The following COL15A1 variants were observed in gnomAD, a reference collection of about 807,000 sequenced individuals.
COL15A1 encodes collagen type XV alpha 1 chain, also known as collagen alpha-1(XV) chain.
A neutral mutation model predicts 165.9 loss-of-function variants in COL15A1; 111 were observed. The ratio of observed to expected loss-of-function variants is 0.67; its 90% confidence interval spans 0.57 to 0.78. The LOEUF (loss-of-function observed/expected upper bound fraction) is 0.78, where lower values mean the gene tolerates loss of function less well. Ranked by LOEUF, COL15A1 falls within the 30% of genes least tolerant of loss-of-function variation. COL15A1 has a pLI of 0.00. For missense variants in COL15A1, 1,745 were observed against 1,789.7 expected, an observed-to-expected ratio of 0.98 and a Z score of 0.45; for synonymous variants, 659 against 674.8, an observed-to-expected ratio of 0.98 and a Z score of 0.36.
intron 9 of COL15A1, among the ~76,000 whole-genome samples, chr9:99,011,599 A>G (rs1401154236): frequency 2.0e-5 from 3 of 152,038 alleles, no homozygotes; most frequent in Non-Finnish European, 4.4e-5. Flanking sequence ...TAAGCTTTGA[A>G]TGAGACAAAA....
In COL15A1 at chr9:99,050,441, G is replaced by A. The variant is rs577915129; in HGVS notation, c.2904+546G>A. On this transcript the variant is annotated intron_variant, in intron 30 of 41. Transcript: ENST00000375001. ...TTGACTGAGCTGGGATCATAACTCA[G>A]GTCTCCTAACCACCAGGCAGCAGGT... 3.1e-3 allele frequency among the ~76,000 whole-genome samples: 474 copies of A among 152,308 alleles called. 1 individual carries two copies. The highest frequency in any genetic ancestry group is 5.8e-3 in the Non-Finnish European group (396 of 68,020).
intron 9 of COL15A1, 96 bp from the exon 10 acceptor site, chr9:99,015,321 T>C (rs1461376897): frequency 8.6e-5 from 68 of 786,358 alleles, no homozygotes; most frequent in Non-Finnish European, 2.4e-5. Context: ...CCTCCAGTTA[T>C]CTGAGGCTTT....
At chr9:99,040,692 T>A in intron 23 of COL15A1, 136 bp downstream of exon 23, 1 of 1,505,050 alleles carries the variant, frequency 6.6e-7, no homozygotes, top group Non-Finnish European at 9.1e-7. Context: ...TTTTTCTTGA[T>A]ATTTTTGATA....
chr9:99,038,112 A>G lies in COL15A1; in HGVS notation c.2410-556A>G, dbSNP rs573208484. On this transcript the variant is annotated intron_variant, in intron 21 of 41. Transcript: ENST00000375001. ...GAAAAAGGATGACTAAAGTTAGAAG[A>G]AAAAAAAAACACGATTTTTAAAAAT... Among the ~76,000 whole-genome samples, 11 of 148,472 alleles carry G rather than the reference A, an allele frequency of 7.4e-5. No individual in the cohort carries two copies. The East Asian group carries it at 2.2e-3, about 29-fold the overall frequency.
At position 99,034,548 on chromosome 9, in the gene COL15A1, G is replaced by T. The variant is rs763213057; in HGVS notation, c.2044-1G>T. 2.7e-6 allele frequency: 4 copies of T among 1,484,090 alleles called. No individual in the cohort carries two copies. In the African/African-American group the frequency reaches 4.6e-5, roughly 17 times the overall value. The allele number at this position is 1,484,090 out of a possible 1,614,324, so 91.9% of individuals were successfully genotyped here. ...CATGTTTTTGTTTTTGTTTTTTTCA[G>T]GGAGCAAGAGGGCCTAATGGCTCAG... On this transcript the variant is annotated splice_acceptor_variant, in intron 16 of 41. Transcript: ENST00000375001. LOFTEE classifies it high-confidence loss of function.
chr9:98,957,130 C>T (rs1185629358), intron 2 of COL15A1, among the ~76,000 whole-genome samples: 1 of 152,106 alleles, frequency 6.6e-6, no homozygotes, highest in African/African-American at 2.4e-5. Context: ...AGATTGTCTC[C>T]GATTATCTGG....
intron 6 of COL15A1, among the ~76,000 whole-genome samples, chr9:98,997,526 A>C (rs1467886818): frequency 6.6e-6 from 1 of 152,204 alleles, no homozygotes; most frequent in African/African-American, 2.4e-5. Flanking sequence ...AAAAACCAAC[A>C]CTTGGAAGAG....
chr9:98,976,542 G>A (rs951079724), intron 2 of COL15A1, among the ~76,000 whole-genome samples: 6 of 152,190 alleles, frequency 3.9e-5, no homozygotes, highest in Non-Finnish European at 8.8e-5. Flanking sequence ...GGGAGGGAAC[G>A]TGGACTTTCA....
At chr9:99,046,584 C>G (rs1434612303) in intron 26 of COL15A1, among the ~76,000 whole-genome samples, 1 of 152,202 alleles carries the variant, frequency 6.6e-6, no homozygotes, top group Admixed American at 6.5e-5. Context: ...GGCATCTCAT[C>G]ACAGGGCAGC....
chr9:99,026,517 G>T (rs1308001929), intron 16 of COL15A1, among the ~76,000 whole-genome samples: 1 of 152,220 alleles, frequency 6.6e-6, no homozygotes, highest in Non-Finnish European at 1.5e-5. Flanking sequence ...CCCTAGCTCT[G>T]TGCAGACATC....
intron 8 of COL15A1, among the ~76,000 whole-genome samples, chr9:99,004,171 G>A (rs1050206634): frequency 5.9e-5 from 9 of 152,206 alleles, no homozygotes; most frequent in African/African-American, 1.7e-4. Context: ...TCACTGAAGG[G>A]TAAGAAACAA....
intron 9 of COL15A1, among the ~76,000 whole-genome samples, chr9:99,007,328 C>T (rs1330911651): frequency 2.0e-5 from 3 of 152,162 alleles, no homozygotes; most frequent in Admixed American, 6.5e-5. Flanking sequence ...CATGGGAGGC[C>T]GTTTTGCCCT....
intron 2 of COL15A1, among the ~76,000 whole-genome samples, chr9:98,980,435 G>T (rs932259060): frequency 5.9e-5 from 9 of 152,232 alleles, no homozygotes. Context: ...GAGTCATTCA[G>T]TGAAAATAAC....
In COL15A1 at chr9:98,976,122, C is replaced by T. The variant is rs547179128; in HGVS notation, c.101-9443C>T. 3.3e-5 allele frequency among the ~76,000 whole-genome samples: 5 copies of T among 152,266 alleles called. No individual in the cohort carries two copies. In the East Asian group the frequency reaches 7.7e-4, roughly 23 times the overall value. ...AGTGAGCTGCTTGAGCACACATGTT[C>T]CAGGCTTAGCTCCATGTCTCCAGCA... On this transcript the variant is annotated intron_variant, in intron 2 of 41. Transcript: ENST00000375001.
At chr9:98,989,649 G>C (rs1588504301) in intron 5 of COL15A1, among the ~76,000 whole-genome samples, 1 of 152,210 alleles carries the variant, frequency 6.6e-6, no homozygotes, top group Non-Finnish European at 1.5e-5. Context: ...AGGGTTAGAT[G>C]ATGAAGTGCA....
chr9:98,974,021 G>A (rs916339277), intron 2 of COL15A1, among the ~76,000 whole-genome samples: 1 of 152,192 alleles, frequency 6.6e-6, no homozygotes, highest in African/African-American at 2.4e-5. Context: ...GCAGGCTGAG[G>A]CCCTTTCCAC....
intron 9 of COL15A1, among the ~76,000 whole-genome samples, chr9:99,012,995 C>T (rs113931777): frequency 1.8e-4 from 27 of 152,074 alleles, no homozygotes; most frequent in East Asian, 5.8e-4. Context: ...CCACCGTGCC[C>T]GGCCTTTTTT....
chr9:98,944,239 G>T lies in COL15A1; in HGVS notation c.89G>T (p.Arg30Leu). The change falls in exon 2 of 42, where the codon CGC becomes CTC. Residue 30 changes from arginine (R) to leucine (L), a missense_variant. Physicochemically the swap from Arg to Leu is moderately radical, Grantham distance 102. Transcript: ENST00000375001. ...STPLPAVTQT[R>L]GATETASQGH... ...CCCCTCCCTGCTGTCACCCAGACCC[G>T]CGGTGCGACAGGTAAGCAACCCGGT... 3 of 1,613,860 alleles carry T rather than the reference G, an allele frequency of 1.9e-6. No homozygotes were observed. The South Asian group carries it at 3.3e-5, about 18-fold the overall frequency.
At chr9:98,985,540 G>A (rs372510443) in intron 2 of COL15A1, 25 bp from the exon 3 acceptor site, 185 of 1,594,290 alleles carry the variant, frequency 1.2e-4, no homozygotes, top group Non-Finnish European at 1.6e-4. Flanking sequence ...CCTGTAAAGC[G>A]TGGCCTCTCT....
Sources: gnomAD v4.1 joint callset for allele counts (sites outside exome capture counted in the v4.1 genomes callset) on GRCh38, gnomAD v4.1.1 for gene constraint, MANE v1.5 for transcripts, NCBI Gene and HGNC (gene_info 2026-07-23, HGNC 2026-07-21) for gene names.